The following TMCO1 variants were observed in gnomAD, a reference collection of about 807,000 sequenced individuals.
The protein encoded by TMCO1 is calcium load-activated calcium channel.
Under a neutral mutation model 29.3 loss-of-function variants are expected in TMCO1, and 29 were observed. The observed-to-expected ratio is 0.99, with a 90% CI of 0.74 to 1.35. The LOEUF is 1.35. TMCO1 is among the 40% of genes most tolerant of loss of function. The pLI, the probability that TMCO1 is intolerant of heterozygous loss-of-function variation, is 0.00. For missense variants in TMCO1, 173 were observed against 225.5 expected (o/e 0.77, Z 1.49); for synonymous variants, 80 against 77.1 (o/e 1.04, Z -0.20).
intron 5 of TMCO1, among the ~76,000 whole-genome samples, chr1:165,748,425 T>A (rs929455263): frequency 6.6e-6 from 1 of 151,894 alleles, no homozygotes; most frequent in Non-Finnish European, 1.5e-5. Flanking sequence ...CTAGGATGAA[T>A]GAGAAGAGAG....
At chr1:165,751,124 A>C (rs914182739) in intron 5 of TMCO1, among the ~76,000 whole-genome samples, 1 of 152,192 alleles carries the variant, frequency 6.6e-6, no homozygotes, top group Non-Finnish European at 1.5e-5. Context: ...ATTTTCTGTC[A>C]AACTCAGTTC....
At chr1:165,741,697 T>C (rs916651245) in intron 6 of TMCO1, among the ~76,000 whole-genome samples, 8 of 152,174 alleles carry the variant, frequency 5.3e-5, no homozygotes, top group Admixed American at 2.0e-4. Flanking sequence ...GTGATAATGG[T>C]TTGAATCTGT....
chr1:165,725,578 C>T (rs909726755), downstream of TMCO1: 1 of 453,862 alleles, frequency 2.2e-6, no homozygotes, highest in Admixed American at 2.4e-5. Context: ...GGAGACAATC[C>T]ATCTTACATA....
chr1:165,758,389 C>G (rs1245403163), intron 3 of TMCO1, among the ~76,000 whole-genome samples: 1 of 151,984 alleles, frequency 6.6e-6, no homozygotes, highest in Non-Finnish European at 1.5e-5. Flanking sequence ...AATCCCGTCT[C>G]TACTAAAAAT....
intron 2 of TMCO1, among the ~76,000 whole-genome samples, chr1:165,767,877 T>C (rs993304551): frequency 4.6e-5 from 7 of 152,170 alleles, no homozygotes; most frequent in Non-Finnish European, 8.8e-5. Context: ...TCTCCCTATG[T>C]TGCCCAGGCT....
At chr1:165,724,573 ATCACCAGCTC>A (rs1270802701), downstream of TMCO1, 6 of 454,010 alleles carry the variant, frequency 1.3e-5, no homozygotes, top group East Asian at 4.2e-4. Context: ...AGACTTACAG[ATCACCAGCTC>A]TGGGGTGGGG....
At chr1:165,752,581 G>A (rs1027228806) in intron 4 of TMCO1, among the ~76,000 whole-genome samples, 6 of 150,508 alleles carry the variant, frequency 4.0e-5, no homozygotes, top group African/African-American at 7.3e-5. Context: ...TTAAATCTCC[G>A]TAGCAGTTCA....
At position 165,768,734 on chromosome 1, in the gene TMCO1, C is replaced by T; in HGVS notation, c.18G>A (p.Ala6=). Residue 6 remains alanine, a synonymous_variant, in exon 1 of 7, where the codon GCG becomes GCA. Coordinates refer to ENST00000367881, the MANE Select transcript of TMCO1 (RefSeq NM_019026.6). The part of the protein sequence containing the change: MSTMF[A]DTLLIVFISV... The stretch of plus-strand genomic sequence containing the variant: ...AGATAAAAACGATGAGGAGAGTGTC[C>T]GCGAACATAGTGCTCATCTCGCACC... 2 of 1,614,140 alleles carry T rather than the reference C, an allele frequency of 1.2e-6. No individual in the cohort carries two copies. The highest frequency in any genetic ancestry group is 1.7e-6 in the Non-Finnish European group (2 of 1,180,026).
intron 4 of TMCO1, 62 bp downstream of exon 4, chr1:165,754,166 A>G: frequency 7.1e-7 from 1 of 1,411,076 alleles, no homozygotes; most frequent in South Asian, 1.2e-5. Context: ...CACTTGATGT[A>G]AATCAGTCTT....
chr1:165,726,466 T>C, downstream of TMCO1: 2 of 554,466 alleles, frequency 3.6e-6, no homozygotes, highest in South Asian at 3.1e-5. Context: ...AATATAGAGC[T>C]TGACAGCCTG....
downstream of TMCO1, chr1:165,725,660 T>C (rs7524755): frequency 0.89 from 401,849 of 453,820 alleles, 178,313 homozygotes; most frequent in East Asian, 0.99. Flanking sequence ...TCCAATGATC[T>C]GGTGATGCTG....
intron 2 of TMCO1, among the ~76,000 whole-genome samples, chr1:165,764,835 G>A (rs1186947671): frequency 1.3e-5 from 2 of 152,180 alleles, no homozygotes; most frequent in African/African-American, 2.4e-5. Context: ...TGCATTATAG[G>A]GGGCAAATTT....
downstream of TMCO1, chr1:165,724,774 A>C (rs772626978): frequency 2.2e-6 from 1 of 453,926 alleles, no homozygotes; most frequent in South Asian, 1.6e-5. Flanking sequence ...CATTATATTA[A>C]GGAATTGTCC....
At chr1:165,730,889 G>A (rs1354990705) in intron 6 of TMCO1, among the ~76,000 whole-genome samples, 2 of 151,346 alleles carry the variant, frequency 1.3e-5, no homozygotes, top group African/African-American at 2.4e-5. Flanking sequence ...CACTATGCCC[G>A]GCCTACTTTG....
intron 6 of TMCO1, among the ~76,000 whole-genome samples, chr1:165,729,320 T>G (rs1651040474): frequency 3.2e-5 from 1 of 31,242 alleles, no homozygotes; most frequent in Non-Finnish European, 8.9e-5. Context: ...CTCATAATTC[T>G]TTTTTTTTTT....
At chr1:165,768,555 C>T (rs926114168) in intron 1 of TMCO1, 127 bp downstream of exon 1, 1 of 1,571,062 alleles carries the variant, frequency 6.4e-7, no homozygotes, top group Non-Finnish European at 8.6e-7. Context: ...CCCAGAGATT[C>T]CCTGAAGTGG....
intron 5 of TMCO1, among the ~76,000 whole-genome samples, chr1:165,748,237 G>A (rs545905092): frequency 1.1e-4 from 16 of 152,210 alleles, no homozygotes; most frequent in African/African-American, 3.4e-4. Context: ...TATTTAATCA[G>A]TAGCAGATAA....
intron 2 of TMCO1, among the ~76,000 whole-genome samples, chr1:165,760,111 A>G (rs1652344965): frequency 6.6e-6 from 1 of 152,206 alleles, no homozygotes; most frequent in African/African-American, 2.4e-5. Flanking sequence ...CGCACACTGC[A>G]GGAAAATCAG....
In TMCO1 at chr1:165,762,731, CCAAA is replaced by C. The variant is rs1305271373; in HGVS notation, c.149-3151_149-3148del. On this transcript the variant is annotated intron_variant, in intron 2 of 6. Coordinates refer to ENST00000367881, the MANE Select transcript of TMCO1 (RefSeq NM_019026.6). Reference sequence around the variant, plus strand: ...CTGCATTCTAAATTCCAGAGTTCTGCCAAACAGTTTATAAATTATTCTAAAAGAT... The same window carrying C: ...CTGCATTCTAAATTCCAGAGTTCTGCCAGTTTATAAATTATTCTAAAAGAT... Among the ~76,000 whole-genome samples, 15 of 152,218 alleles carry C rather than the reference CCAAA, an allele frequency of 9.9e-5. No individual in the cohort carries two copies. The South Asian group carries it at 1.7e-3, about 17-fold the overall frequency.
Sources: allele counts gnomAD v4.1 joint callset (sites outside exome capture counted in the v4.1 genomes callset), GRCh38; gene constraint gnomAD v4.1.1; transcripts MANE v1.5; gene names NCBI Gene and HGNC (gene_info 2026-07-23, HGNC 2026-07-21).